PRKN: variants seen among roughly 807,000 people sequenced by gnomAD.
The protein encoded by PRKN is parkin RBR E3 ubiquitin protein ligase, also known as E3 ubiquitin-protein ligase parkin.
In PRKN, 56 loss-of-function variants were observed where a neutral mutation model predicts 59.5. That is an observed-to-expected ratio of 0.94 (90% CI 0.76 to 1.18). The LOEUF (loss-of-function observed/expected upper bound fraction) is 1.18. Ranked by LOEUF, PRKN falls within the 50% of genes most tolerant of loss-of-function variation. The pLI, the probability that PRKN is intolerant of heterozygous loss-of-function variation, is 0.00. For synonymous variants in PRKN, 250 were observed against 222.1 expected (o/e 1.13, Z -1.12); for missense variants, 657 against 596.4 (o/e 1.10, Z -1.06).
intron 5 of PRKN, among the ~76,000 whole-genome samples, chr6:161,988,429 A>AG (rs150483086): frequency 0.024 from 3,648 of 152,132 alleles, 161 homozygotes; most frequent in African/African-American, 0.083. Flanking sequence ...CAGGGGTTGC[A>AG]TGAGGCGAGA....
At chr6:161,567,063 G>A (rs1380348730) in intron 8 of PRKN, among the ~76,000 whole-genome samples, 4 of 130,946 alleles carry the variant, frequency 3.1e-5, no homozygotes, top group Non-Finnish European at 6.3e-5. Context: ...GTGTGTGAGA[G>A]AGGGTCACTC....
intron 4 of PRKN, among the ~76,000 whole-genome samples, chr6:162,080,940 A>G (rs1272903925): frequency 6.6e-6 from 1 of 152,102 alleles, no homozygotes; most frequent in African/African-American, 2.4e-5. Flanking sequence ...TGTTCACAGC[A>G]CTTTCATCAG....
intron 1 of PRKN, among the ~76,000 whole-genome samples, chr6:162,472,271 T>C (rs1402396368): frequency 6.6e-6 from 1 of 151,646 alleles, no homozygotes; most frequent in Non-Finnish European, 1.5e-5. Context: ...TTGTTACATA[T>C]GTATACATGT....
intron 6 of PRKN, among the ~76,000 whole-genome samples, chr6:161,855,540 C>T (rs1306531045): frequency 6.6e-6 from 1 of 152,204 alleles, no homozygotes; most frequent in African/African-American, 2.4e-5. Context: ...CAAACACAGG[C>T]TGCTAAATCC....
intron 1 of PRKN, among the ~76,000 whole-genome samples, chr6:162,515,657 T>C (rs1194344614): frequency 6.6e-6 from 1 of 152,160 alleles, no homozygotes; most frequent in Non-Finnish European, 1.5e-5. Flanking sequence ...GGGTACATTG[T>C]AGATTCTGGT....
chr6:161,361,003 T>C lies in PRKN; in HGVS notation c.1168-798A>G, dbSNP rs1681875712. ...CAGTGTGGCAAGCTTTTAATACATT[T>C]GCTGACATTATTCATGTCACCGAGA... is the stretch of plus-strand genomic sequence containing the variant. On this transcript the variant is annotated intron_variant, in intron 10 of 11. Transcript: ENST00000366898. The surrounding 1 kb of genome is among the most constrained non-coding windows in gnomAD (Gnocchi z 5.2). Among the ~76,000 whole-genome samples the C allele has an allele frequency of 6.6e-6, 1 of 152,188 alleles. No individual in the cohort carries two copies. The highest frequency in any genetic ancestry group is 1.5e-5 in the Non-Finnish European group (1 of 68,026).
At chr6:162,046,285 G>T (rs984751062) in intron 5 of PRKN, among the ~76,000 whole-genome samples, 1 of 152,148 alleles carries the variant, frequency 6.6e-6, no homozygotes, top group Admixed American at 6.6e-5. Context: ...TTATAAACCG[G>T]TATAAAATTC....
intron 6 of PRKN, among the ~76,000 whole-genome samples, chr6:161,942,334 C>A (rs949381182): frequency 6.6e-6 from 1 of 152,098 alleles, no homozygotes; most frequent in Non-Finnish European, 1.5e-5. Flanking sequence ...AGTTTGAGAT[C>A]AGCCTGGCCA....
intron 2 of PRKN, among the ~76,000 whole-genome samples, chr6:162,422,410 T>A (rs999963062): frequency 5.9e-5 from 9 of 152,126 alleles, no homozygotes; most frequent in Non-Finnish European, 1.0e-4. Flanking sequence ...TGAAACAGTA[T>A]CACATGGTAG....
At chr6:162,149,631 C>T (rs1299322700) in intron 4 of PRKN, among the ~76,000 whole-genome samples, 1 of 152,102 alleles carries the variant, frequency 6.6e-6, no homozygotes, top group Non-Finnish European at 1.5e-5. Context: ...AAATGAAGGT[C>T]TTGAGGCCAA....
intron 9 of PRKN, among the ~76,000 whole-genome samples, chr6:161,534,613 G>A (rs1337490577): frequency 2.0e-5 from 3 of 152,166 alleles, no homozygotes; most frequent in African/African-American, 7.2e-5. Flanking sequence ...GCACAGTTAC[G>A]TGTTGCCATG....
chr6:161,681,267 A>C (rs1416484337), intron 7 of PRKN, among the ~76,000 whole-genome samples: 1 of 152,116 alleles, frequency 6.6e-6, no homozygotes. Context: ...CAGCCTTGTT[A>C]ATAGGTTTTT....
At chr6:161,834,978 G>A (rs1562326315) in intron 6 of PRKN, among the ~76,000 whole-genome samples, 1 of 147,396 alleles carries the variant, frequency 6.8e-6, no homozygotes, top group Non-Finnish European at 1.5e-5. Flanking sequence ...GAGCACCCCC[G>A]TCAGCAGGCA....
chr6:161,980,913 A>G (rs1781235988), intron 5 of PRKN, among the ~76,000 whole-genome samples: 1 of 152,206 alleles, frequency 6.6e-6, no homozygotes, highest in Non-Finnish European at 1.5e-5. Flanking sequence ...ACTAAAAACA[A>G]AAATACACAT....
At chr6:162,393,263 G>A (rs769164682) in intron 2 of PRKN, among the ~76,000 whole-genome samples, 5 of 147,702 alleles carry the variant, frequency 3.4e-5, no homozygotes, top group Non-Finnish European at 7.4e-5. Flanking sequence ...GGGTTCAAAC[G>A]ATTCTCCTTT....
At chr6:162,707,228 G>A (rs1405914575) in intron 1 of PRKN, among the ~76,000 whole-genome samples, 1 of 152,120 alleles carries the variant, frequency 6.6e-6, no homozygotes, top group Non-Finnish European at 1.5e-5. Context: ...CTCATTTTTA[G>A]GATGTACAAT....
Position 161,484,312 on chromosome 6 carries a change from T to C in PRKN, c.1083+64542A>G, listed in dbSNP as rs1227710748. Among the ~76,000 whole-genome samples, 1 of 152,174 alleles carries C rather than the reference T, an allele frequency of 6.6e-6. No individual in the cohort carries two copies. Among genetic ancestry groups the C allele is most frequent in the Non-Finnish European group, 1.5e-5 (1 of 68,028 alleles). Reference sequence around the variant, plus strand: ...CTTTTGAACCAAAGTCCTCTTGGAATGCTGAGACGCACTGGAAACCTCTAG... The same window carrying C: ...CTTTTGAACCAAAGTCCTCTTGGAACGCTGAGACGCACTGGAAACCTCTAG... On this transcript the variant is annotated intron_variant, in intron 9 of 11. Coordinates refer to ENST00000366898, the MANE Select transcript of PRKN (RefSeq NM_004562.3). This position sits in a 1 kb window ranked among gnomAD's most constrained non-coding sequence, Gnocchi z 4.9.
intron 2 of PRKN, among the ~76,000 whole-genome samples, chr6:162,422,225 G>C (rs1469113227): frequency 1.3e-5 from 2 of 152,180 alleles, no homozygotes; most frequent in Admixed American, 6.5e-5. Context: ...TAGCATGAAA[G>C]TATATTTAGA....
chr6:162,376,547 G>C (rs1034752617), intron 2 of PRKN, among the ~76,000 whole-genome samples: 1 of 151,454 alleles, frequency 6.6e-6, no homozygotes, highest in Non-Finnish European at 1.5e-5. Flanking sequence ...TCCCCTGAGA[G>C]AGAGGCAGCC....
Sources: allele counts gnomAD v4.1 joint callset (sites outside exome capture counted in the v4.1 genomes callset), GRCh38; gene constraint gnomAD v4.1.1; non-coding constraint Gnocchi (gnomAD v3.1); transcripts MANE v1.5; gene names NCBI Gene and HGNC (gene_info 2026-07-23, HGNC 2026-07-21).